ROPN1: variants seen among roughly 807,000 people sequenced by gnomAD.
ROPN1 encodes rhophilin associated tail protein 1, also known as ropporin-1A.
A neutral mutation model predicts 20.5 loss-of-function variants in ROPN1; 14 were observed. The ratio of observed to expected loss-of-function variants is 0.68; its 90% CI spans 0.45 to 1.07. The LOEUF is 1.07. Among genes scored for constraint, ROPN1 ranks in the 50% least tolerant of loss-of-function variants. The probability of loss-of-function intolerance (pLI) is 0.00; values close to 1 mark genes in which losing one functional copy is unlikely to be tolerated. For missense variants in ROPN1, 169 were observed against 242.8 expected (o/e 0.70, Z 2.02); for synonymous variants, 76 against 95.7 (o/e 0.79, Z 1.20).
intron 2 of ROPN1, chr3:123,978,540 T>C (rs944503695): frequency 1.3e-5 from 2 of 153,816 alleles, no homozygotes; most frequent in African/African-American, 2.4e-5. Flanking sequence ...TATACACATA[T>C]ATTGCAAATT....
chr3:123,977,694 A>G (rs2038052701), intron 2 of ROPN1, among the ~76,000 whole-genome samples: 1 of 152,220 alleles, frequency 6.6e-6, no homozygotes, highest in Admixed American at 6.5e-5. Flanking sequence ...AGAGAAGAGA[A>G]GCCGAAGAAG....
At chr3:123,987,345 C>A (rs1415236828) in intron 1 of ROPN1, among the ~76,000 whole-genome samples, 1 of 152,180 alleles carries the variant, frequency 6.6e-6, no homozygotes, top group Non-Finnish European at 1.5e-5. Context: ...AGCTTTCTCC[C>A]CCTTCAGCCA....
At chr3:123,974,674 A>T (rs1334638998) in intron 4 of ROPN1, 4 of 152,726 alleles carry the variant, frequency 2.6e-5, no homozygotes, top group South Asian at 4.1e-4. Context: ...GGATTCTTTT[A>T]AAAAAACACG....
intron 5 of ROPN1, 30 bp from the exon 6 acceptor site, chr3:123,969,251 G>C: frequency 6.6e-7 from 1 of 1,514,468 alleles, no homozygotes; most frequent in Non-Finnish European, 9.2e-7. Context: ...TCTGCAGTTA[G>C]TTCATTGACA....
intron 4 of ROPN1, among the ~76,000 whole-genome samples, chr3:123,970,503 C>T (rs183830335): frequency 5.3e-5 from 8 of 152,044 alleles, no homozygotes; most frequent in East Asian, 1.9e-4. Flanking sequence ...TACTTTAGCC[C>T]GAATAACCTC....
At chr3:123,969,871 C>T (rs1263452606) in intron 5 of ROPN1, among the ~76,000 whole-genome samples, 171 bp downstream of exon 5, 1 of 152,162 alleles carries the variant, frequency 6.6e-6, no homozygotes, top group African/African-American at 2.4e-5. Flanking sequence ...TCATTCTTTT[C>T]CTTCCTCTTC....
chr3:123,976,112 G>A (rs1338444921), intron 3 of ROPN1, among the ~76,000 whole-genome samples: 1 of 152,154 alleles, frequency 6.6e-6, no homozygotes, highest in African/African-American at 2.4e-5. Context: ...CATGTTCACT[G>A]CACAAGGTAC....
intron 4 of ROPN1, among the ~76,000 whole-genome samples, chr3:123,971,040 A>G (rs560950669): frequency 4.0e-5 from 6 of 149,384 alleles, no homozygotes; most frequent in Admixed American, 6.9e-5. Flanking sequence ...ACTGAAACTG[A>G]TGATGTACGG....
At chr3:123,983,710 T>C (rs1421767875) in intron 1 of ROPN1, among the ~76,000 whole-genome samples, 6 of 152,194 alleles carry the variant, frequency 3.9e-5, no homozygotes. Context: ...ATTCTATTTT[T>C]CCCTTAAAAG....
chr3:123,969,258 G>A (rs770905824), intron 5 of ROPN1, 37 bp from the exon 6 acceptor site: 2 of 1,479,662 alleles, frequency 1.4e-6, no homozygotes, highest in South Asian at 2.3e-5. Flanking sequence ...TTAGTTCATT[G>A]ACAGTTAATC....
intron 4 of ROPN1, among the ~76,000 whole-genome samples, chr3:123,974,333 C>T (rs1357320338): frequency 6.6e-6 from 1 of 152,190 alleles, no homozygotes; most frequent in Non-Finnish European, 1.5e-5. Context: ...CTGCTGCTTA[C>T]TTTCCTTTCC....
At chr3:123,973,825 C>T (rs563786282) in intron 4 of ROPN1, among the ~76,000 whole-genome samples, 2 of 152,302 alleles carry the variant, frequency 1.3e-5, no homozygotes, top group Non-Finnish European at 2.9e-5. Flanking sequence ...ATCAGCCTTT[C>T]ACCAGTCCGG....
chr3:123,977,509 CA>C (rs1283437725), intron 2 of ROPN1, among the ~76,000 whole-genome samples: 3 of 152,072 alleles, frequency 2.0e-5, no homozygotes, highest in Non-Finnish European at 4.4e-5. Context: ...CACTACACTC[CA>C]GACTGGGTGA....
In ROPN1 at chr3:123,970,162, C is replaced by T. The variant is rs1449892841; in HGVS notation, c.452G>A (p.Gly151Asp). The change falls in exon 5 of 6, where the codon GGT (glycine) becomes GAT (aspartate). Residue 151 changes from glycine to aspartate, a missense_variant. Around this residue, in one of 3 missense-constraint regions of ROPN1, gnomAD observed 82 missense variants for 100.1 expected, o/e 0.82. Transcript: ENST00000405845. ...GCTGAACGGGATCCGGGGCGACCCA[C>T]CATTATGGTCACATGATAAGACCTC... ...VCEVLSCDHNGGSPRIPFSTF... is the reference protein window; with the variant it reads ...VCEVLSCDHNDGSPRIPFSTF... The T allele has an allele frequency of 3.1e-6, 5 of 1,613,916 alleles. No homozygotes were observed. The highest frequency in any genetic ancestry group is 4.2e-6 in the Non-Finnish European group (5 of 1,179,964).
At chr3:123,971,141 C>T (rs1415937726) in intron 4 of ROPN1, among the ~76,000 whole-genome samples, 1 of 152,154 alleles carries the variant, frequency 6.6e-6, no homozygotes, top group East Asian at 1.9e-4. Flanking sequence ...TATCTTCCCA[C>T]ATGATTAGTA....
At chr3:123,982,487 C>A (rs2038171524) in intron 1 of ROPN1, among the ~76,000 whole-genome samples, 1 of 152,120 alleles carries the variant, frequency 6.6e-6, no homozygotes, top group Admixed American at 6.5e-5. Flanking sequence ...ACAAGGGTCT[C>A]AGTACTATTA....
chr3:123,982,623 T>A (rs1577371965), intron 1 of ROPN1, among the ~76,000 whole-genome samples: 1 of 152,172 alleles, frequency 6.6e-6, no homozygotes, highest in East Asian at 1.9e-4. Flanking sequence ...AAAAAGTTAC[T>A]CTTATAAGTT....
chr3:123,989,353 C>A, intron 1 of ROPN1, among the ~76,000 whole-genome samples: 1 of 152,204 alleles, frequency 6.6e-6, no homozygotes, highest in South Asian at 2.1e-4. Flanking sequence ...TCAGTGTTAG[C>A]TTTAGGTCCG....
chr3:123,977,612 T>C (rs1465202911), intron 2 of ROPN1, among the ~76,000 whole-genome samples: 1 of 152,134 alleles, frequency 6.6e-6, no homozygotes, highest in Non-Finnish European at 1.5e-5. Flanking sequence ...GGTTTCTGGC[T>C]GGAGGTAGTG....
Sources: allele counts gnomAD v4.1 joint callset (sites outside exome capture counted in the v4.1 genomes callset), GRCh38; gene constraint gnomAD v4.1.1; regional missense constraint gnomAD v4.1.1; transcripts MANE v1.5; gene names NCBI Gene and HGNC (gene_info 2026-07-23, HGNC 2026-07-21).